GOLGA8S: variants seen among roughly 807,000 people sequenced by gnomAD.
The protein encoded by GOLGA8S is golgin subfamily A member 8S.
In GOLGA8S, 23 loss-of-function variants were observed where a neutral mutation model predicts 58.9. That is an observed-to-expected ratio of 0.39 (90% CI 0.28 to 0.55). The LOEUF (loss-of-function observed/expected upper bound fraction) is 0.55, where lower values mean the gene tolerates loss of function less well. Ranked by LOEUF, GOLGA8S falls within the 20% of genes least tolerant of loss-of-function variation. GOLGA8S has a pLI of 0.63. For synonymous variants in GOLGA8S, 84 were observed against 195.7 expected (o/e 0.43, Z 4.76); for missense variants, 266 against 514.2 (o/e 0.52, Z 4.67).
At chr15:23,358,123 T>G (rs1436709023) in intron 4 of GOLGA8S, among the ~76,000 whole-genome samples, 1 of 151,946 alleles carries the variant, frequency 6.6e-6, no homozygotes, top group Non-Finnish European at 1.5e-5. Flanking sequence ...AGAACCGTAC[T>G]TGGCCCATAC....
chr15:23,367,984 T>G (rs944675312), downstream of GOLGA8S, among the ~76,000 whole-genome samples: 2 of 151,984 alleles, frequency 1.3e-5, no homozygotes, highest in Admixed American at 1.3e-4. Context: ...ATCCATAATA[T>G]AGTTTCTCTA....
rs1423361036 is a variant in GOLGA8S, at chr15:23,363,768, T to C, written c.1346T>C (p.Met449Thr). The change falls in exon 15 of 19, where the codon ATG becomes ACG. Residue 449 changes from methionine to threonine, a missense_variant and splice_region_variant. Physicochemically the swap from Met to Thr is moderately conservative, Grantham distance 81. Transcript: ENST00000562295. ...CAGGACCTGGAGAGCAGGGAGGCCA[T>C]GGTGAGCCTGACTCCCCCTGCACCC... The C allele has an allele frequency of 1.2e-5, 7 of 580,766 alleles. 2 individuals are homozygous for C. The highest frequency in any genetic ancestry group is 2.5e-5 in the African/African-American group (1 of 40,514). The allele number at this position is 580,766 out of a possible 1,614,324, so 36.0% of individuals were successfully genotyped here.
downstream of GOLGA8S, chr15:23,366,104 G>A (rs1386599996): frequency 6.6e-6 from 1 of 151,308 alleles, no homozygotes; most frequent in Non-Finnish European, 1.5e-5. Flanking sequence ...TACACAAAAG[G>A]GCACTGGTTG....
chr15:23,355,390 C>T (rs1868482), intron 1 of GOLGA8S, among the ~76,000 whole-genome samples: 9 of 77,272 alleles, frequency 1.2e-4, no homozygotes, highest in East Asian at 1.8e-3. Flanking sequence ...CTGTTTTTCC[C>T]TCCCCTATCA....
downstream of GOLGA8S, among the ~76,000 whole-genome samples, chr15:23,367,951 A>G (rs2069947543): frequency 6.6e-6 from 1 of 152,008 alleles, no homozygotes; most frequent in African/African-American, 2.4e-5. Flanking sequence ...ATTTTAGAAA[A>G]TTTGAAAATG....
downstream of GOLGA8S, chr15:23,366,672 T>G: frequency 6.6e-6 from 1 of 151,840 alleles, no homozygotes; most frequent in Non-Finnish European, 1.5e-5. Flanking sequence ...TTGTGCAATA[T>G]TTATGTGATT....
intron 8 of GOLGA8S, 68 bp downstream of exon 8, chr15:23,359,277 T>C: frequency 1.5e-6 from 1 of 685,680 alleles, no homozygotes; most frequent in Non-Finnish European, 2.7e-6. Context: ...AGCCTAAAGG[T>C]CCCTTCTGCA....
At chr15:23,365,085 G>T in exon 19 of GOLGA8S, 1 of 1,582,366 alleles carries the variant, frequency 6.3e-7, no homozygotes, top group Non-Finnish European at 8.6e-7. Context: ...GGCAACAACT[G>T]CTGTGTGCCA....
At chr15:23,368,072 T>TA (rs772827755), downstream of GOLGA8S, among the ~76,000 whole-genome samples, 19 of 152,026 alleles carry the variant, frequency 1.2e-4, no homozygotes, top group Non-Finnish European at 1.9e-4. Context: ...TGAAATAAGT[T>TA]AAAACATTTT....
At chr15:23,358,896 A>G (rs1413991181) in intron 6 of GOLGA8S, 24 bp from the exon 7 acceptor site, 1 of 629,788 alleles carries the variant, frequency 1.6e-6, no homozygotes, top group Admixed American at 2.5e-5. Flanking sequence ...CTCTTTCAGC[A>G]CTTGCTTGGC....
chr15:23,362,797 C>G (rs1423113385), intron 13 of GOLGA8S, among the ~76,000 whole-genome samples: 6 of 144,260 alleles, frequency 4.2e-5, no homozygotes, highest in Non-Finnish European at 9.0e-5. Context: ...AATCTGCAAA[C>G]CAGCCACCAT....
exon 17 of GOLGA8S, chr15:23,364,526 G>C (rs1349178388): frequency 6.2e-7 from 1 of 1,602,238 alleles, no homozygotes; most frequent in Admixed American, 1.7e-5. Context: ...CCTCCCGCAG[G>C]AAAATCCATC....
At position 23,361,262 on chromosome 15, in the gene GOLGA8S, G is replaced by A. The variant is rs1596016862; in HGVS notation, c.916G>A (p.Ala306Thr). Residue 306 changes from alanine (A) to threonine (T), a missense_variant, in exon 12 of 19, where the codon GCG becomes ACG. Physicochemically the swap from Ala to Thr is moderately conservative, Grantham distance 58 (BLOSUM62 0). This residue lies in a region of GOLGA8S where 114 missense variants were observed against 120.7 expected (regional missense o/e 0.94). Coordinates refer to ENST00000562295, the Ensembl canonical transcript of GOLGA8S. ...GGAGCCCCCAGCAGTGCCCTCTGAG[G>A]CGGAGCTGCAGCACCTGAGGAAGGA... The A allele has an allele frequency of 5.1e-5, 76 of 1,499,748 alleles. 1 individual carries two copies. In the East Asian group the frequency reaches 1.7e-3, roughly 34 times the overall value. The allele number at this position is 1,499,748 out of a possible 1,614,324, so 92.9% of individuals were successfully genotyped here.
chr15:23,366,171 G>T (rs1232835978), downstream of GOLGA8S: 1 of 151,742 alleles, frequency 6.6e-6, no homozygotes, highest in Non-Finnish European at 1.5e-5. Context: ...GAGTTCAAAT[G>T]TCCCTGGAAC....
At chr15:23,362,640 G>A (rs1475289648) in intron 13 of GOLGA8S, among the ~76,000 whole-genome samples, 1 of 140,036 alleles carries the variant, frequency 7.1e-6, no homozygotes, top group African/African-American at 2.7e-5. Context: ...TGAAATGGTG[G>A]GAAGAGGACA....
intron 15 of GOLGA8S, among the ~76,000 whole-genome samples, chr15:23,364,127 T>C (rs4036672): frequency 0.05 from 6,104 of 122,208 alleles, 749 homozygotes; most frequent in African/African-American, 0.12. Flanking sequence ...CTGGCTCACC[T>C]GGTGGCCTCG....
At chr15:23,367,780 AT>A (rs1385042619), downstream of GOLGA8S, among the ~76,000 whole-genome samples, 1 of 151,950 alleles carries the variant, frequency 6.6e-6, no homozygotes, top group Non-Finnish European at 1.5e-5. Flanking sequence ...GAAACATAGA[AT>A]TTTAAAATGT....
At chr15:23,360,015 T>C (rs570507818) in intron 8 of GOLGA8S, among the ~76,000 whole-genome samples, 6 of 149,490 alleles carry the variant, frequency 4.0e-5, no homozygotes, top group African/African-American at 1.5e-4. Flanking sequence ...AGCAATATTA[T>C]CTGATCTCTC....
intron 1 of GOLGA8S, among the ~76,000 whole-genome samples, 172 bp downstream of exon 1, chr15:23,355,065 A>G (rs1335784690): frequency 1.9e-4 from 15 of 79,950 alleles, no homozygotes; most frequent in African/African-American, 6.2e-4. Flanking sequence ...CCCTTCAGCA[A>G]GCAGCCCAGT....
Sources: allele counts gnomAD v4.1 joint callset (sites outside exome capture counted in the v4.1 genomes callset), GRCh38; gene constraint gnomAD v4.1.1; regional missense constraint gnomAD v4.1.1; transcripts MANE v1.5; gene names NCBI Gene and HGNC (gene_info 2026-07-23, HGNC 2026-07-21).